The following DCAF6 variants were observed in gnomAD, a reference collection of about 807,000 sequenced individuals.
DCAF6 encodes the protein DDB1- and CUL4-associated factor 6.
Under a neutral mutation model 125.1 loss-of-function variants are expected in DCAF6, and 54 were observed. That is an observed-to-expected ratio of 0.43 (90% CI 0.35 to 0.54). DCAF6 has a LOEUF of 0.54. DCAF6 is among the 20% of genes least tolerant of loss of function. DCAF6 has a pLI of 0.01. For missense variants in DCAF6, 934 were observed against 1,161.7 expected, an observed-to-expected ratio of 0.80 and a Z score of 2.85; for synonymous variants, 371 against 390.4, an observed-to-expected ratio of 0.95 and a Z score of 0.58.
At chr1:167,926,780 C>A in the DCAF6 span, among the ~76,000 whole-genome samples, 2 of 152,218 alleles carry the variant, frequency 1.3e-5, no homozygotes, top group Admixed American at 6.5e-5. Context: ...CAACTAGTTT[C>A]ATGCTATTTT....
the DCAF6 span, among the ~76,000 whole-genome samples, chr1:167,911,470 T>G: frequency 6.6e-6 from 1 of 152,250 alleles, no homozygotes; most frequent in African/African-American, 2.4e-5. Flanking sequence ...TTAAAAGTAT[T>G]TTTACTTTTC....
chr1:167,864,688 T>G, the DCAF6 span, among the ~76,000 whole-genome samples: 552 of 152,208 alleles, frequency 3.6e-3, 1 homozygote, highest in Non-Finnish European at 5.0e-3. Flanking sequence ...CCTATTCCCT[T>G]TAAAAGCCAA....
intron 13 of DCAF6, among the ~76,000 whole-genome samples, chr1:168,040,903 A>C (rs77074077): frequency 6.7e-6 from 1 of 149,266 alleles, no homozygotes; most frequent in African/African-American, 2.5e-5. Context: ...AAAAAAAAAA[A>C]CCAAACAGGC....
intron 11 of DCAF6, among the ~76,000 whole-genome samples, chr1:168,021,847 A>G (rs1189888074): frequency 3.3e-5 from 5 of 152,198 alleles, no homozygotes; most frequent in Non-Finnish European, 5.9e-5. Context: ...GCTAAGGGCA[A>G]TCTTAAAATA....
At chr1:167,876,044 G>A in the DCAF6 span, among the ~76,000 whole-genome samples, 2 of 152,250 alleles carry the variant, frequency 1.3e-5, no homozygotes, top group Non-Finnish European at 2.9e-5. Flanking sequence ...ATCATCTGAG[G>A]TCAGGAGTTT....
the DCAF6 span, among the ~76,000 whole-genome samples, chr1:167,912,613 TCCCTCTCTCGGCTTTGGAGCCC>T: frequency 6.6e-6 from 1 of 152,224 alleles, no homozygotes; most frequent in Non-Finnish European, 1.5e-5. Context: ...CACTGGGGGT[TCCCTCTCTCGGCTTTGGAGCCC>T]CCCTCCCTCT....
intron 17 of DCAF6, among the ~76,000 whole-genome samples, chr1:168,059,462 C>T (rs576217981): frequency 1.1e-4 from 16 of 152,224 alleles, no homozygotes; most frequent in Admixed American, 6.5e-4. Context: ...CCTTCCTTCT[C>T]TTTATTCATT....
intron 4 of DCAF6, among the ~76,000 whole-genome samples, chr1:167,980,442 G>A (rs551919483): frequency 1.3e-5 from 2 of 151,650 alleles, no homozygotes; most frequent in South Asian, 4.1e-4. Flanking sequence ...CCTACCAGCT[G>A]TGTGCAAGGG....
At chr1:167,887,168 T>C in the DCAF6 span, among the ~76,000 whole-genome samples, 152,213 of 152,214 alleles carry the variant, frequency 1, 76,106 homozygotes, top group Non-Finnish European at 1. Context: ...ACTAGAAATA[T>C]CATTTGACCC....
At position 167,965,794 on chromosome 1, in the gene DCAF6, C is replaced by T. The variant is rs188254245; in HGVS notation, c.160-835C>T. Among the ~76,000 whole-genome samples, 8 of 152,118 alleles carry T rather than the reference C, an allele frequency of 5.3e-5. No homozygotes were observed. The East Asian group carries it at 1.5e-3, about 29-fold the overall frequency. On this transcript the variant is annotated intron_variant, in intron 2 of 21. Coordinates refer to ENST00000367840, the MANE Select transcript of DCAF6 (RefSeq NM_001198956.2). ...GGATTACAGGCGCATGCCACCATGG[C>T]CGGCTAATTTTTGTATTTTTAGTAG...
intron 1 of DCAF6, among the ~76,000 whole-genome samples, chr1:167,938,792 A>G (rs1429360986): frequency 6.6e-6 from 1 of 152,198 alleles, no homozygotes; most frequent in Non-Finnish European, 1.5e-5. Flanking sequence ...AGCTATATCT[A>G]CAAACGAGTT....
At chr1:167,896,013 G>A in the DCAF6 span, among the ~76,000 whole-genome samples, 2 of 152,198 alleles carry the variant, frequency 1.3e-5, no homozygotes. Context: ...TCCAAGAAAA[G>A]AGCATAAGCT....
At chr1:168,061,628 C>A (rs1691607410) in intron 17 of DCAF6, among the ~76,000 whole-genome samples, 1 of 151,980 alleles carries the variant, frequency 6.6e-6, no homozygotes, top group Non-Finnish European at 1.5e-5. Flanking sequence ...AGATTATTTC[C>A]AATCTGTCTC....
intron 2 of DCAF6, among the ~76,000 whole-genome samples, chr1:167,957,111 T>A (rs928504153): frequency 5.9e-5 from 9 of 151,282 alleles, no homozygotes; most frequent in African/African-American, 2.2e-4. Flanking sequence ...ATTTTTTTTT[T>A]AATTTAGATG....
chr1:167,904,902 G>A, the DCAF6 span: 1 of 1,566,776 alleles, frequency 6.4e-7, no homozygotes, highest in Non-Finnish European at 8.8e-7. Context: ...CTCCAGAATG[G>A]CCTCCCTACT....
At chr1:167,947,788 A>T (rs184208395) in intron 1 of DCAF6, among the ~76,000 whole-genome samples, 1 of 152,224 alleles carries the variant, frequency 6.6e-6, no homozygotes, top group Non-Finnish European at 1.5e-5. Flanking sequence ...GTGGCTTAAC[A>T]TATGGTCTGT....
intron 11 of DCAF6, among the ~76,000 whole-genome samples, chr1:168,021,489 A>G (rs567623069): frequency 6.6e-6 from 1 of 152,200 alleles, no homozygotes; most frequent in African/African-American, 2.4e-5. Flanking sequence ...TGTGAAATGG[A>G]TAAATGAGAA....
In DCAF6 at chr1:167,987,479, T is replaced by C. The variant is rs1265892342; in HGVS notation, c.439-16T>C. 3.1e-6 allele frequency: 4 copies of C among 1,272,476 alleles called. No individual in the cohort carries two copies. Among genetic ancestry groups the C allele is most frequent in the East Asian group, 2.3e-5 (1 of 43,222 alleles). The allele number at this position is 1,272,476 out of a possible 1,614,324, so 78.8% of individuals were successfully genotyped here. On this transcript the variant is annotated splice_polypyrimidine_tract_variant and intron_variant, in intron 4 of 21. Coordinates refer to ENST00000367840, the MANE Select transcript of DCAF6 (RefSeq NM_001198956.2). ...AATGTTCGTATGATTATCTGCACTTTTCTTTTCATCTTCAGATTATGACTG... is the reference window on the plus strand; with the variant it reads ...AATGTTCGTATGATTATCTGCACTTCTCTTTTCATCTTCAGATTATGACTG...
At chr1:167,962,119 C>G (rs1281300106) in intron 2 of DCAF6, among the ~76,000 whole-genome samples, 2 of 152,014 alleles carry the variant, frequency 1.3e-5, no homozygotes, top group African/African-American at 2.4e-5. Context: ...CAAGTGTGGT[C>G]TGTCTTGGTA....
Sources: gnomAD v4.1 joint callset for allele counts (sites outside exome capture counted in the v4.1 genomes callset) on GRCh38, gnomAD v4.1.1 for gene constraint, MANE v1.5 for transcripts, NCBI Gene and HGNC (gene_info 2026-07-23, HGNC 2026-07-21) for gene names.